BEST2: variants seen among roughly 807,000 people sequenced by gnomAD.
BEST2 encodes bestrophin 2.
BEST2 carries 36 observed loss-of-function variants against 49.0 expected under a neutral mutation model. The observed-to-expected ratio is 0.73, with a 90% confidence interval of 0.56 to 0.97. The LOEUF is 0.97. BEST2 is among the 50% of genes least tolerant of loss of function. The probability of loss-of-function intolerance (pLI) is 0.00; values close to 1 mark genes in which losing one functional copy is unlikely to be tolerated. For missense variants in BEST2, 672 were observed against 710.0 expected (o/e 0.95, Z 0.61); for synonymous variants, 335 against 304.4 (o/e 1.10, Z -1.05).
Position 12,755,903 on chromosome 19 carries a change from G to A in BEST2, c.916G>A (p.Glu306Lys). 1 of 1,614,180 alleles carries A rather than the reference G, an allele frequency of 6.2e-7. No homozygotes were observed. Among genetic ancestry groups the A allele is most frequent in the Non-Finnish European group, 8.5e-7 (1 of 1,180,022 alleles). ...NPFGEDDDDFETNFLIDRNFQ... is the reference protein window; with the variant it reads ...NPFGEDDDDFKTNFLIDRNFQ... ...CTTCGGAGAGGACGATGATGACTTT[G>A]AGACCAACTTTCTGATCGATAGAAA... Residue 306 changes from glutamate (E) to lysine (K), a missense_variant, in exon 8 of 10, where the codon GAG becomes AAG. Coordinates refer to ENST00000553030, the MANE Select transcript of BEST2 (RefSeq NM_017682.3). The surrounding 1 kb of genome is among the most constrained non-coding windows in gnomAD (Gnocchi z 4.4).
chr19:12,757,582 G>A (rs1260886710), intron 9 of BEST2, 69 bp from the exon 10 acceptor site: 1 of 1,474,242 alleles, frequency 6.8e-7, no homozygotes, highest in African/African-American at 1.4e-5. Context: ...AGGGAAATCA[G>A]CGCGCCTGGG....
rs574287835 is a variant in BEST2, at chr19:12,755,170, G to T, written c.636+139G>T. On this transcript the variant is annotated intron_variant, in intron 5 of 9. Coordinates refer to ENST00000553030, the MANE Select transcript of BEST2 (RefSeq NM_017682.3). The surrounding 1 kb of genome is among the most constrained non-coding windows in gnomAD (Gnocchi z 4.4). ...CCAGGTGCACTCTTACCTCCATGGG[G>T]CTGATTCCAATGCCCTTGAGGGGCA... 2.5e-6 allele frequency: 3 copies of T among 1,210,136 alleles called. No individual in the cohort carries two copies. Among genetic ancestry groups the T allele is most frequent in the African/African-American group, 3.1e-5 (2 of 65,300 alleles). 75.0% of individuals were successfully genotyped at this position (1,210,136 alleles called of 1,614,324 possible). A position where few individuals can be genotyped will look rare whatever the true frequency, so the allele number is the denominator to read the frequency against.
At chr19:12,756,556 G>A in intron 9 of BEST2, 1 of 503,070 alleles carries the variant, frequency 2.0e-6, no homozygotes, top group Non-Finnish European at 3.6e-6. Context: ...AGGAGATGAG[G>A]GCTGAGGCCA....
At position 12,757,902 on chromosome 19, in the gene BEST2, T is replaced by G; in HGVS notation, c.1355T>G (p.Leu452Arg). 1 of 1,555,106 alleles carries G rather than the reference T, an allele frequency of 6.4e-7. No individual in the cohort carries two copies. The highest frequency in any genetic ancestry group is 8.7e-7 in the Non-Finnish European group (1 of 1,151,042). Residue 452 changes from leucine (L) to arginine (R), a missense_variant, in exon 10 of 10, where the codon CTG becomes CGG. Around this residue, in one of 3 missense-constraint regions of BEST2, gnomAD observed 291 missense variants for 279.8 expected, o/e 1.04. Coordinates refer to ENST00000553030, the MANE Select transcript of BEST2 (RefSeq NM_017682.3). Reference protein sequence around the residue: ...AAPECSCGDPLLDPGLPEPEA... With the variant: ...AAPECSCGDPRLDPGLPEPEA... ...CCGGAGTGCAGCTGCGGGGACCCGCTGCTCGACCCCGGCCTGCCGGAGCCC... is the reference window on the plus strand; with the variant it reads ...CCGGAGTGCAGCTGCGGGGACCCGCGGCTCGACCCCGGCCTGCCGGAGCCC...
intron 9 of BEST2, 50 bp downstream of exon 9, chr19:12,756,345 G>T (rs1375896266): frequency 6.3e-7 from 1 of 1,597,428 alleles, no homozygotes; most frequent in Non-Finnish European, 8.5e-7. Flanking sequence ...TTATGGCTCT[G>T]CGGGGCACAT....
Position 12,758,089 on chromosome 19 carries a change from C to T in BEST2, c.*12C>T, listed in dbSNP as rs1225049911. ...AGAATCTGGCCTGAGATCTTAGAGC[C>T]CAGCCCCCTAAGGACAGGGAACCAG... On this transcript the variant is annotated 3_prime_UTR_variant, in exon 10 of 10. Coordinates refer to ENST00000553030, the MANE Select transcript of BEST2 (RefSeq NM_017682.3). 5 of 1,611,518 alleles carry T rather than the reference C, an allele frequency of 3.1e-6. No individual in the cohort carries two copies. In the South Asian group the frequency reaches 5.5e-5, roughly 18 times the overall value.
intron 9 of BEST2, 68 bp from the exon 10 acceptor site, chr19:12,757,583 C>A (rs996830460): frequency 6.8e-7 from 1 of 1,473,606 alleles, no homozygotes; most frequent in Non-Finnish European, 9.0e-7. Context: ...GGGAAATCAG[C>A]GCGCCTGGGA....
At chr19:12,756,942 G>A (rs1020693709) in intron 9 of BEST2, among the ~76,000 whole-genome samples, 2 of 151,646 alleles carry the variant, frequency 1.3e-5, no homozygotes, top group African/African-American at 2.4e-5. Context: ...TCAGGAGTTC[G>A]AGACCAGCCT....
chr19:12,752,748 A>G lies in BEST2; in HGVS notation c.152+4A>G. 2 of 1,610,414 alleles carry G rather than the reference A, an allele frequency of 1.2e-6. No individual in the cohort carries two copies. The highest frequency in any genetic ancestry group is 2.2e-5 in the South Asian group (2 of 90,902). On this transcript the variant is annotated splice_donor_region_variant and intron_variant, in intron 2 of 9. Transcript: ENST00000553030. ...TGGCGCTGAGTGCTGCCTACCGGTG[A>G]GGCTGCCCTGAGGTGCTCATGTTCT...
intron 2 of BEST2, 46 bp downstream of exon 2, chr19:12,752,790 C>A (rs778185946): frequency 1.4e-6 from 2 of 1,442,900 alleles, no homozygotes; most frequent in Non-Finnish European, 1.9e-6. Flanking sequence ...GGGGGGGCAG[C>A]TATTATATAT....
At chr19:12,753,457 C>G (rs536256280) in intron 3 of BEST2, 103 bp downstream of exon 3, 106 of 1,126,770 alleles carry the variant, frequency 9.4e-5, no homozygotes, top group Non-Finnish European at 1.3e-4. Context: ...AGATCCCCCC[C>G]CTCAAATCCA....
chr19:12,756,595 G>A (rs915409588), intron 9 of BEST2: 2 of 373,202 alleles, frequency 5.4e-6, no homozygotes, highest in Non-Finnish European at 9.9e-6. Flanking sequence ...TGTAATCCCA[G>A]TACTTTGGGA....
At position 12,755,920 on chromosome 19, in the gene BEST2, C is replaced by G; in HGVS notation, c.933C>G (p.Ile311Met). Residue 311 changes from isoleucine to methionine, a missense_variant, in exon 8 of 10, where the codon ATC becomes ATG. Around this residue, in one of 3 missense-constraint regions of BEST2, gnomAD observed 291 missense variants for 279.8 expected, o/e 1.04. Transcript: ENST00000553030. This position sits in a 1 kb window ranked among gnomAD's most constrained non-coding sequence, Gnocchi z 4.4. ...DDDDFETNFLIDRNFQVSMLA... is the reference protein window; with the variant it reads ...DDDDFETNFLMDRNFQVSMLA... ...ATGACTTTGAGACCAACTTTCTGAT[C>G]GATAGAAACTTCCAGGTGAGACTCA... The G allele has an allele frequency of 6.2e-7, 1 of 1,614,012 alleles. No homozygotes were observed. The highest frequency in any genetic ancestry group is 8.5e-7 in the Non-Finnish European group (1 of 1,179,870).
rs145724309 is a variant in BEST2 at position 12,758,161 on chromosome 19, G to T, written c.*84G>T. The T allele has an allele frequency of 6.2e-6, 9 of 1,461,314 alleles. No individual in the cohort carries two copies. The African/African-American group carries it at 8.5e-5, about 14-fold the overall frequency. 90.5% of individuals were successfully genotyped at this position (1,461,314 alleles called of 1,614,324 possible). A position where few individuals can be genotyped will look rare whatever the true frequency, so the allele number is the denominator to read the frequency against. On this transcript the variant is annotated 3_prime_UTR_variant, in exon 10 of 10. Coordinates refer to ENST00000553030, the MANE Select transcript of BEST2 (RefSeq NM_017682.3). ...AGGTGTCCCGGTCTGCATAAGCCTC[G>T]TGTGCCTTTGTAAAGTCCACCTACA...
In BEST2 at chr19:12,757,737, T is replaced by C. The variant is rs770598631; in HGVS notation, c.1190T>C (p.Leu397Pro). The C allele has an allele frequency of 1.9e-6, 3 of 1,544,490 alleles. No individual in the cohort carries two copies. Among genetic ancestry groups the C allele is most frequent in the East Asian group, 2.4e-5 (1 of 40,912 alleles). Residue 397 changes from leucine (L) to proline (P), a missense_variant, in exon 10 of 10, where the codon CTC (leucine) becomes CCC (proline). Leu to Pro is a moderately conservative substitution (Grantham distance 98). Transcript: ENST00000553030. ...GCGCCCGGCGACTTCCTGCAGCGCC[T>C]CCTGCCGGCGGGCGCGGGCATGGTC... ...GEAPGDFLQR[L>P]LPAGAGMVAG...
Position 12,756,220 on chromosome 19 carries a change from C to T in BEST2, c.1028C>T (p.Ala343Val), listed in dbSNP as rs760679073. Residue 343 changes from alanine to valine, a missense_variant, in exon 9 of 10, where the codon GCT becomes GTT. By Grantham distance (64) the Ala-to-Val change is moderately conservative. Transcript: ENST00000553030. ...EKDLYWDAAEARAPYTAATVF... is the reference protein window; with the variant it reads ...EKDLYWDAAEVRAPYTAATVF... ...GACTTGTACTGGGATGCAGCCGAGG[C>T]TCGCGCCCCATACACAGCGGCTACT... 4 of 1,614,118 alleles carry T rather than the reference C, an allele frequency of 2.5e-6. No homozygotes were observed. The East Asian group carries it at 8.9e-5, about 36-fold the overall frequency.
chr19:12,755,493 G>A lies in BEST2; in HGVS notation c.714+37G>A, dbSNP rs1299639576. 6.2e-7 allele frequency: 1 copy of A among 1,612,248 alleles called. No individual in the cohort carries two copies. On this transcript the variant is annotated intron_variant, in intron 6 of 9. Transcript: ENST00000553030. The surrounding 1 kb of genome is among the most constrained non-coding windows in gnomAD (Gnocchi z 4.4). ...ATGCCTCTTTTTATATTCGGTGTCA[G>A]TGGCCCTGATGCCTGGTTTCCAAGG...
At position 12,757,706 on chromosome 19, in the gene BEST2, G is replaced by C. The variant is rs769532316; in HGVS notation, c.1159G>C (p.Gly387Arg). ...GCTGGACGGCTTGGATGGACCGATG[G>C]GAGAGGCGCCCGGCGACTTCCTGCA... ...QRLDGLDGPMGEAPGDFLQRL... is the reference protein window; with the variant it reads ...QRLDGLDGPMREAPGDFLQRL... Residue 387 changes from glycine (G) to arginine (R), a missense_variant, in exon 10 of 10, where the codon GGA becomes CGA. Transcript: ENST00000553030. The C allele has an allele frequency of 1.3e-6, 2 of 1,546,588 alleles. No homozygotes were observed. Among genetic ancestry groups the C allele is most frequent in the Non-Finnish European group, 1.7e-6 (2 of 1,149,190 alleles).
chr19:12,755,623 C>T lies in BEST2; in HGVS notation c.723C>T (p.Thr241=), dbSNP rs1377637719. The T allele has an allele frequency of 4.3e-6, 7 of 1,613,802 alleles. No homozygotes were observed. Among genetic ancestry groups the T allele is most frequent in the Non-Finnish European group, 5.9e-6 (7 of 1,179,912 alleles). Residue 241 remains threonine (T), a synonymous_variant, in exon 7 of 10, where the codon ACC becomes ACT. Transcript: ENST00000553030. The surrounding 1 kb of genome is among the most constrained non-coding windows in gnomAD (Gnocchi z 4.4). The part of the protein sequence containing the change: ...SVPLVYTQVV[T]IALYSYFLAC... ...TGCCCCGCCCTGCCCAGGTGGTGAC[C>T]ATCGCACTGTACAGCTACTTCCTGG... is the stretch of plus-strand genomic sequence containing the variant.
Sources: gnomAD v4.1 joint callset for allele counts (sites outside exome capture counted in the v4.1 genomes callset) on GRCh38, gnomAD v4.1.1 for gene constraint, gnomAD v4.1.1 regional missense constraint, Gnocchi (gnomAD v3.1) non-coding constraint, MANE v1.5 for transcripts, NCBI Gene and HGNC (gene_info 2026-07-23, HGNC 2026-07-21) for gene names.